The following RBFOX3 variants were observed in gnomAD, a reference collection of about 807,000 sequenced individuals.
RBFOX3 encodes the protein RNA binding protein fox-1 homolog 3.
A neutral mutation model predicts 48.7 loss-of-function variants in RBFOX3; 17 were observed. The observed-to-expected ratio is 0.35, with a 90% CI of 0.24 to 0.52. The LOEUF is 0.52. Among genes scored for constraint, RBFOX3 ranks in the 20% least tolerant of loss-of-function variants. The pLI, the probability that RBFOX3 is intolerant of heterozygous loss-of-function variation, is 0.94. For synonymous variants in RBFOX3, 212 were observed against 209.5 expected (o/e 1.01, Z -0.10); for missense variants, 382 against 497.5 (o/e 0.77, Z 2.21).
intron 3 of RBFOX3, among the ~76,000 whole-genome samples, chr17:79,256,362 T>C (rs923896326): frequency 1.3e-5 from 2 of 152,182 alleles, no homozygotes; most frequent in African/African-American, 4.8e-5. Context: ...ACATAGCAAG[T>C]TTGCTTGTGC....
chr17:79,268,608 C>T (rs1012930503), intron 3 of RBFOX3, among the ~76,000 whole-genome samples: 6 of 152,196 alleles, frequency 3.9e-5, no homozygotes, highest in African/African-American at 1.4e-4. Context: ...AGCCCCTGGC[C>T]TGCACATCCT....
At chr17:79,448,893 C>A (rs782663166) in intron 2 of RBFOX3, among the ~76,000 whole-genome samples, 3 of 152,056 alleles carry the variant, frequency 2.0e-5, no homozygotes, top group Non-Finnish European at 2.9e-5. Context: ...GGTTCCCTGA[C>A]ACAGAGAAAA....
In RBFOX3 at chr17:79,301,338, G is replaced by C. The variant is rs543991906; in HGVS notation, c.-74+6386C>G. 4.6e-5 allele frequency among the ~76,000 whole-genome samples: 7 copies of C among 152,350 alleles called. No individual in the cohort carries two copies. The South Asian group carries it at 1.4e-3, about 32-fold the overall frequency. On this transcript the variant is annotated intron_variant, in intron 3 of 14. Transcript: ENST00000693108. Reference sequence around the variant, plus strand: ...GACTTGGAACCCCACTGGGGTGAGCGGCTAATAGAACACAAAGTCTCCCAG... The same window carrying C: ...GACTTGGAACCCCACTGGGGTGAGCCGCTAATAGAACACAAAGTCTCCCAG...
intron 3 of RBFOX3, among the ~76,000 whole-genome samples, chr17:79,263,400 C>T (rs1346963053): frequency 2.0e-5 from 3 of 152,222 alleles, no homozygotes; most frequent in African/African-American, 4.8e-5. Flanking sequence ...TTGTTTGGAA[C>T]GCTGGAAGGC....
In RBFOX3 at chr17:79,362,874, G is replaced by T. The variant is rs141164692; in HGVS notation, c.-174-55050C>A. 6.6e-6 allele frequency among the ~76,000 whole-genome samples: 1 copy of T among 152,090 alleles called. No homozygotes were observed. Among genetic ancestry groups the T allele is most frequent in the Non-Finnish European group, 1.5e-5 (1 of 67,992 alleles). On this transcript the variant is annotated intron_variant, in intron 2 of 14. Transcript: ENST00000693108. The surrounding 1 kb of genome is among the most constrained non-coding windows in gnomAD (Gnocchi z 4.2). ...GGCTCTGTGTGCAGACCTCATTCTCGGACACTTCGAGGCCACACAGGTGTG... is the reference window on the plus strand; with the variant it reads ...GGCTCTGTGTGCAGACCTCATTCTCTGACACTTCGAGGCCACACAGGTGTG...
chr17:79,226,846 GA>G (rs1335224819), intron 4 of RBFOX3, among the ~76,000 whole-genome samples: 1 of 152,172 alleles, frequency 6.6e-6, no homozygotes, highest in Non-Finnish European at 1.5e-5. Context: ...AGGAAAGAGG[GA>G]GCGTGAGGCT....
the RBFOX3 span, among the ~76,000 whole-genome samples, chr17:79,616,416 A>T: frequency 6.6e-6 from 1 of 151,678 alleles, no homozygotes; most frequent in Admixed American, 6.6e-5. Flanking sequence ...GGCACCTATA[A>T]TCCCAGCTAC....
At position 79,331,525 on chromosome 17, in the gene RBFOX3, G is replaced by A. The variant is rs1598289675; in HGVS notation, c.-174-23701C>T. 2.6e-5 allele frequency among the ~76,000 whole-genome samples: 4 copies of A among 152,192 alleles called. No homozygotes were observed. The East Asian group carries it at 7.7e-4, about 29-fold the overall frequency. On this transcript the variant is annotated intron_variant, in intron 2 of 14. Coordinates refer to ENST00000693108, the MANE Select transcript of RBFOX3 (RefSeq NM_001350451.2). ...CCTCTGCCCCCCCTGGACCCCTGGA[G>A]AATGTCCTGCCCGTGGCTCCAGCCT...
In RBFOX3 at chr17:79,491,407, C is replaced by T. The variant is rs1043220617; in HGVS notation, c.-319-8809G>A. On this transcript the variant is annotated intron_variant, in intron 1 of 14. Coordinates refer to ENST00000693108, the MANE Select transcript of RBFOX3 (RefSeq NM_001350451.2). The stretch of plus-strand genomic sequence containing the variant: ...AGGACATGATGAAGATTTGGGTATT[C>T]GGAAGCACGCTCTGGTGCCGATGTG... Among the ~76,000 whole-genome samples the T allele has an allele frequency of 5.1e-4, 78 of 151,926 alleles. 1 individual carries two copies. Among genetic ancestry groups the T allele is most frequent in the African/African-American group, 1.7e-3 (70 of 41,424 alleles).
chr17:79,175,129 G>C (rs375253872), intron 4 of RBFOX3, among the ~76,000 whole-genome samples: 1 of 152,112 alleles, frequency 6.6e-6, no homozygotes, highest in Non-Finnish European at 1.5e-5. Context: ...TGATAACTCC[G>C]CCAGGGCAGC....
rs2061167907 is a variant in RBFOX3 at position 79,390,036 on chromosome 17, T to TCTCCGC, written c.-174-82213_-174-82212insGCGGAG. 2.3e-4 allele frequency among the ~76,000 whole-genome samples: 4 copies of TCTCCGC among 17,124 alleles called. No individual in the cohort carries two copies. Among genetic ancestry groups the TCTCCGC allele is most frequent in the South Asian group, 1.6e-3 (1 of 612 alleles). 11.2% of individuals were successfully genotyped at this position (17,124 alleles called of 152,430 possible). A position where few individuals can be genotyped will look rare whatever the true frequency, so the allele number is the denominator to read the frequency against. On this transcript the variant is annotated intron_variant, in intron 2 of 14. Transcript: ENST00000693108. The surrounding 1 kb of genome is among the most constrained non-coding windows in gnomAD (Gnocchi z 4.2). ...GGTCTCCGCAGCCTCCAGGTCTCCG[T>TCTCCGC]AGCCTCCAGGTCTCCGCAGCCGCCG...
intron 2 of RBFOX3, among the ~76,000 whole-genome samples, chr17:79,326,333 T>C (rs776524213): frequency 2.6e-4 from 39 of 152,056 alleles, no homozygotes; most frequent in Non-Finnish European, 4.4e-4. Context: ...CCTGCACGGA[T>C]CTAGTTGAGA....
chr17:79,503,863 G>T (rs2082698310), intron 1 of RBFOX3, among the ~76,000 whole-genome samples: 1 of 152,212 alleles, frequency 6.6e-6, no homozygotes, highest in Admixed American at 6.5e-5. Context: ...ATCCAGAGGG[G>T]TGCAGAGCTC....
chr17:79,510,839 G>A (rs1163475638), intron 1 of RBFOX3, among the ~76,000 whole-genome samples: 1 of 152,104 alleles, frequency 6.6e-6, no homozygotes, highest in Non-Finnish European at 1.5e-5. Context: ...CTCGGGGCGA[G>A]CACCTGGGGC....
At chr17:79,529,499 A>G (rs1555786777) in intron 1 of RBFOX3, among the ~76,000 whole-genome samples, 2 of 152,192 alleles carry the variant, frequency 1.3e-5, no homozygotes. Flanking sequence ...GCGGCTAGCT[A>G]AAGTGGGGGC....
intron 3 of RBFOX3, among the ~76,000 whole-genome samples, chr17:79,275,352 C>G (rs1041853801): frequency 6.6e-6 from 1 of 152,022 alleles, no homozygotes; most frequent in Non-Finnish European, 1.5e-5. Flanking sequence ...CTCAGAGAGG[C>G]CCCTGACCAC....
chr17:79,516,770 G>T (rs934311658), intron 1 of RBFOX3, among the ~76,000 whole-genome samples: 3 of 152,202 alleles, frequency 2.0e-5, no homozygotes, highest in Non-Finnish European at 2.9e-5. Context: ...ACGGACAGAC[G>T]GATGGACGCG....
At chr17:79,595,152 TGAGA>T (rs2093534798) in intron 1 of RBFOX3, among the ~76,000 whole-genome samples, 1 of 151,872 alleles carries the variant, frequency 6.6e-6, no homozygotes, top group Non-Finnish European at 1.5e-5. Flanking sequence ...CCATCGGTAT[TGAGA>T]GAAACGAGCC....
intron 1 of RBFOX3, among the ~76,000 whole-genome samples, chr17:79,501,029 C>T (rs1289283977): frequency 6.6e-6 from 1 of 152,166 alleles, no homozygotes; most frequent in Non-Finnish European, 1.5e-5. Flanking sequence ...GTGAAGGGTG[C>T]GGAGCTCTTT....
Sources: allele counts gnomAD v4.1 joint callset (sites outside exome capture counted in the v4.1 genomes callset), GRCh38; gene constraint gnomAD v4.1.1; non-coding constraint Gnocchi (gnomAD v3.1); transcripts MANE v1.5; gene names NCBI Gene and HGNC (gene_info 2026-07-23, HGNC 2026-07-21).